The following BCR variants were observed in gnomAD, a reference collection of about 807,000 sequenced individuals.
The protein encoded by BCR is breakpoint cluster region protein.
A neutral mutation model predicts 138.6 loss-of-function variants in BCR; 58 were observed. That is an observed-to-expected ratio of 0.42 (90% confidence interval 0.34 to 0.52). The LOEUF is 0.52. BCR is among the 20% of genes least tolerant of loss of function. The pLI, the probability that BCR is intolerant of heterozygous loss-of-function variation, is 0.06. For synonymous variants in BCR, 786 were observed against 730.1 expected (o/e 1.08, Z -1.23); for missense variants, 1,599 against 1,727.2 (o/e 0.93, Z 1.32).
intron 1 of BCR, among the ~76,000 whole-genome samples, chr22:23,207,282 ACT>A (rs1491347821): frequency 1.3e-5 from 2 of 152,104 alleles, no homozygotes; most frequent in African/African-American, 4.8e-5. Flanking sequence ...GAAGTGACTG[ACT>A]CTGCTGGGTT....
chr22:23,288,156 G>T lies in BCR; in HGVS notation c.2586G>T (p.Arg862=). The T allele has an allele frequency of 1.2e-6, 2 of 1,614,060 alleles. No homozygotes were observed. The highest frequency in any genetic ancestry group is 3.3e-5 in the Admixed American group (2 of 60,024). ...YERAEWRENI[R]EQQKKCFRSF... is the part of the protein sequence containing the mutation. Reference sequence around the variant, plus strand: ...GTGCAGAGTGGAGGGAGAACATCCGGGAGCAGCAGAAGAAGTGTGAGTATC... The same window carrying T: ...GTGCAGAGTGGAGGGAGAACATCCGTGAGCAGCAGAAGAAGTGTGAGTATC... Residue 862 remains arginine (R), a synonymous_variant, in exon 12 of 23, where the codon CGG becomes CGT. Transcript: ENST00000305877.
intron 1 of BCR, among the ~76,000 whole-genome samples, chr22:23,218,664 A>G (rs1792627616): frequency 6.6e-6 from 1 of 152,038 alleles, no homozygotes; most frequent in Non-Finnish European, 1.5e-5. Context: ...TCTGATCACC[A>G]CTCAAGCCAC....
chr22:23,223,597 G>C (rs6003576), intron 1 of BCR, among the ~76,000 whole-genome samples: 2 of 152,096 alleles, frequency 1.3e-5, no homozygotes, highest in African/African-American at 4.8e-5. Context: ...CTAGGCTGCC[G>C]GTGCAGGGGG....
intron 19 of BCR, chr22:23,312,683 T>C (rs2074021241): frequency 6.9e-6 from 4 of 580,618 alleles, no homozygotes; most frequent in Non-Finnish European, 9.3e-6. Context: ...GGGAGAGGAA[T>C]GGGAATGCCC....
At chr22:23,219,052 C>A (rs1427819853) in intron 1 of BCR, among the ~76,000 whole-genome samples, 1 of 152,162 alleles carries the variant, frequency 6.6e-6, no homozygotes, top group Non-Finnish European at 1.5e-5. Flanking sequence ...CATGCCGCTG[C>A]CCTAATGGCT....
rs1203066473 is a variant in BCR at position 23,289,867 on chromosome 22, C to G, written c.2707+246C>G. 37 of 562,612 alleles carry G rather than the reference C, an allele frequency of 6.6e-5. No individual in the cohort carries two copies. The Admixed American group carries it at 1.2e-3, about 18-fold the overall frequency. 34.9% of individuals were successfully genotyped at this position (562,612 alleles called of 1,614,324 possible). The stretch of plus-strand genomic sequence containing the variant: ...GATGCACGGCTTCTGTTCCTAGTCA[C>G]AAGGCTGCAGCAGACGCTCCTCAGA... On this transcript the variant is annotated intron_variant, in intron 13 of 22. Coordinates refer to ENST00000305877, the MANE Select transcript of BCR (RefSeq NM_004327.4).
chr22:23,209,458 G>A (rs2072656410), intron 1 of BCR, among the ~76,000 whole-genome samples: 1 of 152,190 alleles, frequency 6.6e-6, no homozygotes, highest in African/African-American at 2.4e-5. Flanking sequence ...CACTTGGGTT[G>A]CCTCCACCTT....
At chr22:23,232,714 T>A (rs2072972768) in intron 1 of BCR, among the ~76,000 whole-genome samples, 1 of 152,232 alleles carries the variant, frequency 6.6e-6, no homozygotes. Context: ...CGGCCCCATC[T>A]GCCTCCTCCT....
chr22:23,244,793 GTA>G (rs1407671089), intron 1 of BCR, among the ~76,000 whole-genome samples: 2 of 152,328 alleles, frequency 1.3e-5, no homozygotes, highest in East Asian at 3.9e-4. Flanking sequence ...AATAATAACT[GTA>G]TCATCCTGGG....
intron 1 of BCR, among the ~76,000 whole-genome samples, chr22:23,219,480 G>T (rs1177596583): frequency 1.3e-5 from 2 of 152,190 alleles, no homozygotes; most frequent in Non-Finnish European, 2.9e-5. Flanking sequence ...TCTGTCCCTG[G>T]TTCTTGCCCA....
intron 1 of BCR, among the ~76,000 whole-genome samples, chr22:23,244,059 G>C (rs1373081682): frequency 6.6e-6 from 1 of 152,150 alleles, no homozygotes; most frequent in East Asian, 1.9e-4. Flanking sequence ...GCCTTAAGTG[G>C]GAACAGTCTT....
At chr22:23,223,846 CTT>C (rs375982845) in intron 1 of BCR, among the ~76,000 whole-genome samples, 164 of 152,304 alleles carry the variant, frequency 1.1e-3, no homozygotes, top group African/African-American at 3.8e-3. Flanking sequence ...AATGGGAACA[CTT>C]TGCTGACCTT....
chr22:23,233,165 C>T lies in BCR; in HGVS notation c.1280-20634C>T, dbSNP rs1276934191. Among the ~76,000 whole-genome samples the T allele has an allele frequency of 2.6e-5, 4 of 152,344 alleles. No homozygotes were observed. The South Asian group carries it at 8.3e-4, about 32-fold the overall frequency. Reference sequence around the variant, plus strand: ...AGGCAGAGCCTATACAGAGCATCCACATCAGAGTCCCCTGTGGGCCCCAGT... The same window carrying T: ...AGGCAGAGCCTATACAGAGCATCCATATCAGAGTCCCCTGTGGGCCCCAGT... On this transcript the variant is annotated intron_variant, in intron 1 of 22. Transcript: ENST00000305877.
At chr22:23,313,193 G>T (rs1157351276) in intron 20 of BCR, among the ~76,000 whole-genome samples, 172 bp downstream of exon 20, 2 of 152,180 alleles carry the variant, frequency 1.3e-5, no homozygotes, top group East Asian at 3.9e-4. Context: ...TGTCCTGGAA[G>T]GCCTTGCCCA....
At chr22:23,282,758 T>C (rs1310683623) in intron 8 of BCR, among the ~76,000 whole-genome samples, 3 of 152,182 alleles carry the variant, frequency 2.0e-5, no homozygotes, top group Admixed American at 2.0e-4. Context: ...CACTCTCTGT[T>C]GTATGTGCCT....
chr22:23,252,345 G>A (rs1161735710), intron 1 of BCR, among the ~76,000 whole-genome samples: 3 of 152,118 alleles, frequency 2.0e-5, no homozygotes, highest in African/African-American at 7.2e-5. Context: ...AGACCCCATG[G>A]GCAGGTGTGC....
intron 10 of BCR, among the ~76,000 whole-genome samples, chr22:23,286,414 A>G (rs2073713812): frequency 6.6e-6 from 1 of 152,244 alleles, no homozygotes; most frequent in African/African-American, 2.4e-5. Context: ...ACCCAAACCC[A>G]GCACACTTAG....
chr22:23,194,804 G>T (rs1421322695), intron 1 of BCR, among the ~76,000 whole-genome samples: 9 of 152,176 alleles, frequency 5.9e-5, no homozygotes, highest in Admixed American at 5.2e-4. Context: ...AGCTGGGCAT[G>T]GTGGCATGTG....
Position 23,181,054 on chromosome 22 carries a change from G to C in BCR, c.94G>C (p.Glu32Gln). 2 of 1,520,358 alleles carry C rather than the reference G, an allele frequency of 1.3e-6. No individual in the cohort carries two copies. The highest frequency in any genetic ancestry group is 1.8e-6 in the Non-Finnish European group (2 of 1,128,570). The allele number at this position is 1,520,358 out of a possible 1,614,324, so 94.2% of individuals were successfully genotyped here. ...RMELRSVGDI[E>Q]QELERCKASI... ...GGAGCTGCGCTCAGTGGGCGACATC[G>C]AGCAGGAGCTGGAGCGCTGCAAGGC... Residue 32 changes from glutamate to glutamine, a missense_variant, in exon 1 of 23, where the codon GAG becomes CAG. Around this residue, in one of 4 missense-constraint regions of BCR, gnomAD observed 806 missense variants for 635.0 expected, o/e 1.27. Coordinates refer to ENST00000305877, the MANE Select transcript of BCR (RefSeq NM_004327.4).
Sources: allele counts gnomAD v4.1 joint callset (sites outside exome capture counted in the v4.1 genomes callset), GRCh38; gene constraint gnomAD v4.1.1; regional missense constraint gnomAD v4.1.1; transcripts MANE v1.5; gene names NCBI Gene and HGNC (gene_info 2026-07-23, HGNC 2026-07-21).